PYGL: variants seen among roughly 807,000 people sequenced by gnomAD.
PYGL encodes glycogen phosphorylase, liver form.
PYGL carries 90 observed loss-of-function variants against 100.1 expected under a neutral mutation model. The observed-to-expected ratio is 0.90, with a 90% CI of 0.76 to 1.07. The LOEUF (loss-of-function observed/expected upper bound fraction) is 1.07, where lower values mean the gene tolerates loss of function less well. Among genes scored for constraint, PYGL ranks in the 50% least tolerant of loss-of-function variants. PYGL has a pLI of 0.00. For missense variants in PYGL, 1,016 were observed against 1,057.6 expected (o/e 0.96, Z 0.55); for synonymous variants, 373 against 393.0 (o/e 0.95, Z 0.60).
At chr14:50,943,622 G>A (rs1047754596) in intron 1 of PYGL, among the ~76,000 whole-genome samples, 2 of 152,226 alleles carry the variant, frequency 1.3e-5, no homozygotes, top group African/African-American at 4.8e-5. Flanking sequence ...GCGGGACCCT[G>A]CCCCTCCTCT....
intron 1 of PYGL, among the ~76,000 whole-genome samples, chr14:50,938,641 T>C (rs898372633): frequency 1.3e-5 from 2 of 152,222 alleles, no homozygotes; most frequent in African/African-American, 2.4e-5. Flanking sequence ...CCTATAGAGA[T>C]GTATGAAGGA....
At chr14:50,927,933 TC>T (rs2050567409) in intron 4 of PYGL, among the ~76,000 whole-genome samples, 1 of 151,512 alleles carries the variant, frequency 6.6e-6, no homozygotes, top group Admixed American at 6.6e-5. Flanking sequence ...TAGCCAGTGA[TC>T]CCCAAATGCA....
At chr14:50,924,607 C>T (rs1274324665) in intron 4 of PYGL, among the ~76,000 whole-genome samples, 3 of 152,164 alleles carry the variant, frequency 2.0e-5, no homozygotes, top group Non-Finnish European at 4.4e-5. Flanking sequence ...ACAGAACACT[C>T]TTTTAATCAA....
chr14:50,930,020 C>G (rs11850468), intron 4 of PYGL, among the ~76,000 whole-genome samples: 9,087 of 152,144 alleles, frequency 0.06, 396 homozygotes, highest in African/African-American at 0.12. Flanking sequence ...TTTCCTTTAT[C>G]TTTCTGGCCT....
chr14:50,931,905 C>T (rs1361740033), intron 3 of PYGL, 129 bp from the exon 4 acceptor site: 2 of 734,412 alleles, frequency 2.7e-6, no homozygotes, highest in South Asian at 1.4e-5. Context: ...TTCTAAAGCA[C>T]AGATACTACT....
chr14:50,926,456 T>C (rs1363604746), intron 4 of PYGL, among the ~76,000 whole-genome samples: 2 of 151,968 alleles, frequency 1.3e-5, no homozygotes, highest in Non-Finnish European at 2.9e-5. Context: ...TGGCCAGGCG[T>C]GGTGGCAACG....
chr14:50,923,377 T>A (rs1356323072), intron 5 of PYGL: 2 of 153,024 alleles, frequency 1.3e-5, no homozygotes, highest in Admixed American at 6.5e-5. Context: ...AACCTCCACC[T>A]CCTAGGTTCA....
intron 10 of PYGL, 69 bp downstream of exon 10, chr14:50,915,756 A>G: frequency 6.4e-7 from 1 of 1,560,054 alleles, no homozygotes; most frequent in Non-Finnish European, 8.8e-7. Context: ...AAGAGGGAAC[A>G]CTGTAGCCAT....
rs2050400084 is a variant in PYGL, at chr14:50,911,729, C to A, written c.1969+1G>T. 6.2e-7 allele frequency: 1 copy of A among 1,613,854 alleles called. No individual in the cohort carries two copies. The highest frequency in any genetic ancestry group is 1.1e-5 in the South Asian group (1 of 91,084). On this transcript the variant is annotated splice_donor_variant, in intron 16 of 19. Transcript: ENST00000216392. LOFTEE classifies it high-confidence loss of function. ...TGCATATTTTGCAATGAGGGTAGTA[C>A]CTTTTTCAGCAAGAGATACTCTGTA...
chr14:50,914,561 C>T, intron 12 of PYGL, 140 bp downstream of exon 12: 1 of 680,838 alleles, frequency 1.5e-6, no homozygotes, highest in Admixed American at 2.0e-5. Context: ...TTAAACCCAG[C>T]ATGGAGTCCT....
At chr14:50,921,186 G>A in intron 5 of PYGL, 119 bp from the exon 6 acceptor site, 1 of 776,646 alleles carries the variant, frequency 1.3e-6, no homozygotes, top group South Asian at 1.5e-5. Context: ...AACTTAAATT[G>A]TGTGAGGCCT....
chr14:50,912,007 C>T lies in PYGL; in HGVS notation c.1798G>A (p.Val600Met), dbSNP rs770807009. 9.9e-6 allele frequency: 16 copies of T among 1,613,792 alleles called. No individual in the cohort carries two copies. Among genetic ancestry groups the T allele is most frequent in the Middle Eastern group, 1.6e-4 (1 of 6,082 alleles). ...CCACCAATGATAACTGTCCTTGGCA[C>T]GAATAACTTCTTAGGGTCTTTCTTA... ...RIKKDPKKLF[V>M]PRTVIIGGKA... Residue 600 changes from valine (V) to methionine (M), a missense_variant, in exon 15 of 20, where the codon GTG (valine) becomes ATG (methionine). Transcript: ENST00000216392.
Position 50,910,045 on chromosome 14 carries a change from C to T in PYGL, c.2027G>A (p.Gly676Glu). 6.2e-7 allele frequency: 1 copy of T among 1,614,160 alleles called. No individual in the cohort carries two copies. Among genetic ancestry groups the T allele is most frequent in the South Asian group, 1.1e-5 (1 of 91,084 alleles). Residue 676 changes from glycine to glutamate, a missense_variant, in exon 17 of 20, where the codon GGG becomes GAG. Physicochemically the swap from Gly to Glu is moderately conservative, Grantham distance 98. Coordinates refer to ENST00000216392, the MANE Select transcript of PYGL (RefSeq NM_002863.5). ...QISTAGTEAS[G>E]TGNMKFMLNG... ...TAGCATGAACTTCATATTGCCTGTCCCCGAGGCTTCGGTGCCTGCAGTGGA... is the reference window on the plus strand; with the variant it reads ...TAGCATGAACTTCATATTGCCTGTCTCCGAGGCTTCGGTGCCTGCAGTGGA...
chr14:50,913,106 C>T lies in PYGL; in HGVS notation c.1543G>A (p.Asp515Asn). The T allele has an allele frequency of 6.2e-7, 1 of 1,613,946 alleles. No homozygotes were observed. The highest frequency in any genetic ancestry group is 8.5e-7 in the Non-Finnish European group (1 of 1,179,858). The stretch of plus-strand genomic sequence containing the variant: ...TGGAGCTTCGTCAGCTGGCTCAGGT[C>T]TTTCACATAGTCTTCTCCAATTTTC... The part of the protein sequence containing the change: ...AEKIGEDYVK[D>N]LSQLTKLHSF... Residue 515 changes from aspartate (D) to asparagine (N), a missense_variant, in exon 13 of 20, where the codon GAC (aspartate) becomes AAC (asparagine). Physicochemically the swap from Asp to Asn is conservative, Grantham distance 23. Transcript: ENST00000216392.
chr14:50,910,259 T>C (rs1217132339), intron 16 of PYGL, among the ~76,000 whole-genome samples, 157 bp from the exon 17 acceptor site: 1 of 152,180 alleles, frequency 6.6e-6, no homozygotes, highest in Non-Finnish European at 1.5e-5. Flanking sequence ...TCACACTCTT[T>C]CCCCTTGACT....
In PYGL at chr14:50,937,797, G is replaced by T; in HGVS notation, c.284C>A (p.Thr95Lys). The part of the protein sequence containing the change: ...YLSLEFYMGR[T>K]LQNTMINLGL... ...GAGGTTGATCATGGTGTTCTGTAAT[G>T]TTCGGCCCATGTAAAATTCCAGAGA... The change falls in exon 2 of 20, where the codon ACA (threonine) becomes AAA (lysine). Residue 95 changes from threonine to lysine, a missense_variant. Coordinates refer to ENST00000216392, the MANE Select transcript of PYGL (RefSeq NM_002863.5). 6.2e-7 allele frequency: 1 copy of T among 1,614,058 alleles called. No homozygotes were observed. The highest frequency in any genetic ancestry group is 2.2e-5 in the East Asian group (1 of 44,882).
intron 11 of PYGL, 100 bp from the exon 12 acceptor site, chr14:50,914,915 G>T: frequency 1.1e-6 from 1 of 878,694 alleles, no homozygotes; most frequent in Non-Finnish European, 1.9e-6. Flanking sequence ...CCAAGTGCAG[G>T]CTTAGAAAGG....
chr14:50,905,904 T>C (rs1374462684), intron 19 of PYGL, among the ~76,000 whole-genome samples: 1 of 152,228 alleles, frequency 6.6e-6, no homozygotes, highest in South Asian at 2.1e-4. Flanking sequence ...CTTTAAACTA[T>C]AGGGGAGGAA....
chr14:50,911,809 CACAT>C lies in PYGL; in HGVS notation c.1886_1889del (p.Asp629GlyfsTer2). ...TTCCAACCATAGGGTCATTGTTCAC[CACAT>C]CTGCCACTGAAGTGATCAGCTTTAT... On this transcript the variant is annotated frameshift_variant, in exon 16 of 20. Coordinates refer to ENST00000216392, the MANE Select transcript of PYGL (RefSeq NM_002863.5). LOFTEE classifies it high-confidence loss of function. 1 of 1,614,110 alleles carries C rather than the reference CACAT, an allele frequency of 6.2e-7. No individual in the cohort carries two copies. The highest frequency in any genetic ancestry group is 8.5e-7 in the Non-Finnish European group (1 of 1,179,988).
Sources: allele counts gnomAD v4.1 joint callset (sites outside exome capture counted in the v4.1 genomes callset), GRCh38; gene constraint gnomAD v4.1.1; transcripts MANE v1.5; gene names NCBI Gene and HGNC (gene_info 2026-07-23, HGNC 2026-07-21).